EBF1: variants seen among roughly 807,000 people sequenced by gnomAD.
EBF1 encodes EBF transcription factor 1.
Under a neutral mutation model 68.4 loss-of-function variants are expected in EBF1, and 10 were observed. The observed-to-expected ratio is 0.15, with a 90% CI of 0.09 to 0.25. The LOEUF (loss-of-function observed/expected upper bound fraction) is 0.25. Ranked by LOEUF, EBF1 falls within the 10% of genes least tolerant of loss-of-function variation. The pLI is 1.00. For missense variants in EBF1, 509 were observed against 794.4 expected (o/e 0.64, Z 4.32); for synonymous variants, 298 against 299.8 (o/e 0.99, Z 0.06).
intron 6 of EBF1, among the ~76,000 whole-genome samples, chr5:158,945,153 A>G (rs1023652532): frequency 1.3e-5 from 2 of 152,174 alleles, no homozygotes; most frequent in Non-Finnish European, 2.9e-5. Context: ...GCCCATGCCT[A>G]TGTCCTAAAT....
Position 158,698,840 on chromosome 5 carries a change from G to T in EBF1, c.*271C>A. The T allele has an allele frequency of 1.2e-5, 4 of 328,448 alleles. No homozygotes were observed. Among genetic ancestry groups the T allele is most frequent in the South Asian group, 1.4e-4 (1 of 7,328 alleles). 20.3% of individuals were successfully genotyped at this position (328,448 alleles called of 1,614,324 possible). ...TAAGCTTAAAAAAAAAAAAGAAAAA[G>T]AAAAAGTGGATTTGCTTTTGTCAAT... On this transcript the variant is annotated 3_prime_UTR_variant, in exon 16 of 16. Transcript: ENST00000313708.
chr5:158,729,436 G>A (rs868139505), intron 11 of EBF1, among the ~76,000 whole-genome samples: 37 of 152,274 alleles, frequency 2.4e-4, no homozygotes, highest in Middle Eastern at 3.4e-3. Context: ...GTTCTAGCAC[G>A]AAGACAGCTA....
At chr5:158,927,726 G>T (rs1809991265) in intron 6 of EBF1, among the ~76,000 whole-genome samples, 1 of 152,170 alleles carries the variant, frequency 6.6e-6, no homozygotes, top group African/African-American at 2.4e-5. Context: ...AGAGATCAAT[G>T]ACCTTGCTGG....
At chr5:159,096,484 C>T in intron 2 of EBF1, 78 bp from the exon 3 acceptor site, 1 of 1,523,568 alleles carries the variant, frequency 6.6e-7, no homozygotes, top group Non-Finnish European at 9.0e-7. Flanking sequence ...ACTTTCGAGG[C>T]AACTTTCCCC....
At chr5:158,962,979 A>G (rs986032045) in intron 6 of EBF1, among the ~76,000 whole-genome samples, 3 of 152,192 alleles carry the variant, frequency 2.0e-5, no homozygotes, top group Non-Finnish European at 4.4e-5. Flanking sequence ...CTATTTACCA[A>G]AAAAGATGAT....
At chr5:158,836,286 C>T (rs1261154194) in intron 7 of EBF1, among the ~76,000 whole-genome samples, 3 of 152,066 alleles carry the variant, frequency 2.0e-5, no homozygotes, top group Admixed American at 1.3e-4. Context: ...GGTTAAGATG[C>T]TGTGACTGGA....
chr5:158,826,453 T>C (rs1217548572), intron 7 of EBF1, among the ~76,000 whole-genome samples: 1 of 152,230 alleles, frequency 6.6e-6, no homozygotes, highest in Non-Finnish European at 1.5e-5. Flanking sequence ...GGGAATTTTT[T>C]TATCATTGCA....
intron 6 of EBF1, among the ~76,000 whole-genome samples, chr5:158,874,204 A>G (rs1370888956): frequency 6.6e-6 from 1 of 152,142 alleles, no homozygotes; most frequent in Admixed American, 6.5e-5. Flanking sequence ...ATACCAGAAA[A>G]GTACACTCTG....
chr5:158,939,529 T>C (rs751706942), intron 6 of EBF1, among the ~76,000 whole-genome samples: 3 of 152,166 alleles, frequency 2.0e-5, no homozygotes, highest in African/African-American at 7.2e-5. Flanking sequence ...CTGGATTTAA[T>C]TGAAATTTAG....
intron 6 of EBF1, among the ~76,000 whole-genome samples, chr5:159,058,457 C>T (rs1775187142): frequency 6.6e-6 from 1 of 152,180 alleles, no homozygotes; most frequent in Non-Finnish European, 1.5e-5. Context: ...ACCCCCAGCC[C>T]TACCTTGCAA....
At chr5:158,922,656 G>A (rs1422370430) in intron 6 of EBF1, among the ~76,000 whole-genome samples, 1 of 152,212 alleles carries the variant, frequency 6.6e-6, no homozygotes, top group Non-Finnish European at 1.5e-5. Flanking sequence ...AAAACAGCAG[G>A]TGGGTATGTC....
At chr5:158,827,897 T>C (rs1786549316) in intron 7 of EBF1, among the ~76,000 whole-genome samples, 2 of 152,310 alleles carry the variant, frequency 1.3e-5, no homozygotes, top group South Asian at 2.1e-4. Flanking sequence ...ATTTAGAATA[T>C]TGTGACAGTT....
At chr5:158,960,642 G>A (rs1044402313) in intron 6 of EBF1, among the ~76,000 whole-genome samples, 3 of 152,182 alleles carry the variant, frequency 2.0e-5, no homozygotes, top group South Asian at 2.1e-4. Flanking sequence ...GTGGAACTTC[G>A]TTTCTCTCTC....
In EBF1 at chr5:159,084,716, G is replaced by T; in HGVS notation, c.435C>A (p.Asp145Glu). 3 of 1,597,206 alleles carry T rather than the reference G, an allele frequency of 1.9e-6. No homozygotes were observed. Among genetic ancestry groups the T allele is most frequent in the Non-Finnish European group, 2.6e-6 (3 of 1,170,206 alleles). The change falls in exon 5 of 16, where the codon GAC becomes GAA. Residue 145 changes from aspartate (D) to glutamate (E), a missense_variant. Physicochemically the swap from Asp to Glu is conservative, Grantham distance 45. Coordinates refer to ENST00000313708, the MANE Select transcript of EBF1 (RefSeq NM_024007.5). ...AGACTCGGCACATTTCTGGGTTCTT[G>T]TCTTGGCCTTCATACACTATGGCCT... ...TKQAIVYEGQ[D>E]KNPEMCRVLL...
chr5:158,955,015 G>A (rs554332773), intron 6 of EBF1, among the ~76,000 whole-genome samples: 125 of 152,200 alleles, frequency 8.2e-4, no homozygotes, highest in Non-Finnish European at 1.5e-3. Context: ...CCAATCCTCA[G>A]GGGAAAAAAA....
At chr5:159,020,645 TA>T (rs1766500794) in intron 6 of EBF1, among the ~76,000 whole-genome samples, 2 of 152,332 alleles carry the variant, frequency 1.3e-5, no homozygotes, top group East Asian at 3.9e-4. Flanking sequence ...TCATGACTAG[TA>T]CCATGTAATC....
chr5:158,856,004 T>C (rs1332492941), intron 6 of EBF1, among the ~76,000 whole-genome samples: 1 of 152,168 alleles, frequency 6.6e-6, no homozygotes, highest in African/African-American at 2.4e-5. Context: ...TAAATAAAAA[T>C]GTCATAAAAC....
chr5:159,005,009 C>T (rs1763273432), intron 6 of EBF1, among the ~76,000 whole-genome samples: 1 of 152,168 alleles, frequency 6.6e-6, no homozygotes, highest in African/African-American at 2.4e-5. Context: ...TCAACAAACT[C>T]TAGGCTTTAC....
chr5:158,728,864 G>A (rs767023505), intron 11 of EBF1, among the ~76,000 whole-genome samples: 1 of 152,178 alleles, frequency 6.6e-6, no homozygotes, highest in Non-Finnish European at 1.5e-5. Flanking sequence ...TGCTCGATAA[G>A]TATTTTTAAA....
Sources: gnomAD v4.1 joint callset for allele counts (sites outside exome capture counted in the v4.1 genomes callset) on GRCh38, gnomAD v4.1.1 for gene constraint, MANE v1.5 for transcripts, NCBI Gene and HGNC (gene_info 2026-07-23, HGNC 2026-07-21) for gene names.